Variants in LRP2 observed in about 807,000 individuals in gnomAD.
The protein encoded by LRP2 is LDL receptor related protein 2.
Under a neutral mutation model 531.0 loss-of-function variants are expected in LRP2, and 172 were observed. The observed-to-expected ratio is 0.32, with a 90% CI of 0.29 to 0.37. The LOEUF (loss-of-function observed/expected upper bound fraction) is 0.37, where lower values mean the gene tolerates loss of function less well. Ranked by LOEUF, LRP2 falls within the 10% of genes least tolerant of loss-of-function variation. The pLI, the probability that LRP2 is intolerant of heterozygous loss-of-function variation, is 1.00. For synonymous variants in LRP2, 1,992 were observed against 2,027.6 expected, an observed-to-expected ratio of 0.98 and a Z score of 0.47; for missense variants, 5,167 against 5,868.3, an observed-to-expected ratio of 0.88 and a Z score of 3.90.
intron 4 of LRP2, 28 bp from the exon 5 acceptor site, chr2:169,294,738 AAAGG>A: frequency 8.4e-7 from 1 of 1,185,032 alleles, no homozygotes; most frequent in Non-Finnish European, 1.2e-6. Flanking sequence ...AAAAAAAAAA[AAAGG>A]AAAAGGAAAC....
intron 1 of LRP2, among the ~76,000 whole-genome samples, chr2:169,349,636 T>A (rs1381912911): frequency 6.6e-6 from 1 of 152,154 alleles, no homozygotes; most frequent in African/African-American, 2.4e-5. Flanking sequence ...GGGGTCTGCC[T>A]CAGCTATAGA....
chr2:169,288,728 G>A (rs1010084699), intron 9 of LRP2, among the ~76,000 whole-genome samples: 1 of 152,180 alleles, frequency 6.6e-6, no homozygotes, highest in African/African-American at 2.4e-5. Context: ...CAATCCTGAT[G>A]CCAAATACTT....
rs1306446810 is a variant in LRP2 at position 169,185,993 on chromosome 2, T to A, written c.9355A>T (p.Ile3119Phe). 1.3e-5 allele frequency: 21 copies of A among 1,613,900 alleles called. No homozygotes were observed. The East Asian group carries it at 4.7e-4, about 36-fold the overall frequency. ...CGINECHDPS[I>F]SGCDHNCTDT... ...GTGCAGTTGTGATCGCAGCCACTGA[T>A]TGAAGGGTCATGGCATTCATTAATG... Residue 3119 changes from isoleucine (I) to phenylalanine (F), a missense_variant, in exon 50 of 79, where the codon ATC (isoleucine) becomes TTC (phenylalanine). Physicochemically the swap from Ile to Phe is conservative, Grantham distance 21. Transcript: ENST00000649046.
chr2:169,307,704 G>A (rs993902113), intron 3 of LRP2, among the ~76,000 whole-genome samples: 1 of 152,098 alleles, frequency 6.6e-6, no homozygotes, highest in Non-Finnish European at 1.5e-5. Context: ...TGCAAGTATA[G>A]GTATTAACCA....
chr2:169,156,287 T>C lies in LRP2; in HGVS notation c.12138A>G (p.Arg4046=). 1 of 1,613,704 alleles carries C rather than the reference T, an allele frequency of 6.2e-7. No homozygotes were observed. Among genetic ancestry groups the C allele is most frequent in the East Asian group, 2.2e-5 (1 of 44,882 alleles). The change falls in exon 65 of 79, where the codon CGA becomes CGG. Residue 4046 remains arginine, a synonymous_variant. Coordinates refer to ENST00000649046, the MANE Select transcript of LRP2 (RefSeq NM_004525.3). ...AACCCATCATACCCTCAGCTGCACA[T>C]CGTTTTCCAGGGCGGTCACTCATAG... ...FTSMSDRPGK[R]CAAEGSSPLL...
At chr2:169,343,261 C>T (rs1685612533) in intron 1 of LRP2, among the ~76,000 whole-genome samples, 1 of 152,196 alleles carries the variant, frequency 6.6e-6, no homozygotes, top group Admixed American at 6.5e-5. Context: ...AGGTGAAGAA[C>T]CAAACATTCT....
At chr2:169,272,145 AACATCTGGAG>A (rs1204114913) in intron 15 of LRP2, among the ~76,000 whole-genome samples, 3 of 152,152 alleles carry the variant, frequency 2.0e-5, no homozygotes, top group African/African-American at 7.2e-5. Flanking sequence ...TAGAAACCGC[AACATCTGGAG>A]AGCAAGAATT....
chr2:169,170,043 C>A (rs1686937767), intron 59 of LRP2, among the ~76,000 whole-genome samples: 1 of 152,224 alleles, frequency 6.6e-6, no homozygotes, highest in African/African-American at 2.4e-5. Flanking sequence ...ATTAAATAAT[C>A]TCCAGCTCTT....
chr2:169,303,106 T>C (rs1256881617), intron 4 of LRP2, among the ~76,000 whole-genome samples: 1 of 152,078 alleles, frequency 6.6e-6, no homozygotes, highest in African/African-American at 2.4e-5. Context: ...AAAACAATAT[T>C]AGTTATGAGT....
intron 25 of LRP2, 113 bp from the exon 26 acceptor site, chr2:169,239,888 C>A (rs1689743299): frequency 1.1e-6 from 1 of 901,638 alleles, no homozygotes; most frequent in Non-Finnish European, 1.8e-6. Context: ...ATATGATGCC[C>A]AGACAAGAGC....
chr2:169,132,630 G>A lies in LRP2; in HGVS notation c.13672C>T (p.Pro4558Ser), dbSNP rs1036751409. The change falls in exon 77 of 79, where the codon CCT becomes TCT. Residue 4558 changes from proline to serine, a missense_variant. Coordinates refer to ENST00000649046, the MANE Select transcript of LRP2 (RefSeq NM_004525.3). ...TTTGTCTCTGGAACTATCTCAGAAG[G>A]GTTTATGGGACTTCCATAATTCTTA... ...DNKNYGSPIN[P>S]SEIVPETNPT... is the part of the protein sequence containing the mutation. The A allele has an allele frequency of 1.6e-5, 26 of 1,611,340 alleles. No homozygotes were observed. Among genetic ancestry groups the A allele is most frequent in the Non-Finnish European group, 2.2e-5 (26 of 1,177,712 alleles).
At chr2:169,327,772 C>G (rs1238825715) in intron 1 of LRP2, among the ~76,000 whole-genome samples, 10 of 124,694 alleles carry the variant, frequency 8.0e-5, no homozygotes, top group African/African-American at 9.3e-5. Flanking sequence ...GTCAGCCCCC[C>G]GCCCGGCCAG....
intron 1 of LRP2, among the ~76,000 whole-genome samples, chr2:169,324,197 G>A (rs1015758975): frequency 3.9e-5 from 6 of 152,004 alleles, no homozygotes; most frequent in African/African-American, 1.5e-4. Flanking sequence ...AGAGCAATTC[G>A]GTAACTTGCC....
intron 63 of LRP2, among the ~76,000 whole-genome samples, chr2:169,157,917 G>T (rs374984748): frequency 1.8e-4 from 23 of 130,736 alleles, no homozygotes; most frequent in East Asian, 4.8e-4. Context: ...ATAACAGATA[G>T]AAATAAATAA....
chr2:169,344,484 TAAC>T (rs1281664894), intron 1 of LRP2, among the ~76,000 whole-genome samples: 1 of 152,190 alleles, frequency 6.6e-6, no homozygotes, highest in African/African-American at 2.4e-5. Context: ...TTCTAAAAAG[TAAC>T]AACATTTTAG....
chr2:169,313,753 A>C (rs1684683328), intron 3 of LRP2, among the ~76,000 whole-genome samples: 1 of 152,114 alleles, frequency 6.6e-6, no homozygotes, highest in Non-Finnish European at 1.5e-5. Context: ...AAATGCAGAA[A>C]TCACCCGTCT....
At chr2:169,353,772 C>T (rs1027681036) in intron 1 of LRP2, among the ~76,000 whole-genome samples, 2 of 152,208 alleles carry the variant, frequency 1.3e-5, no homozygotes, top group African/African-American at 4.8e-5. Context: ...GGGAGGATCA[C>T]TTGAGCTCAG....
chr2:169,354,458 C>A (rs1685937280), intron 1 of LRP2, among the ~76,000 whole-genome samples: 1 of 152,168 alleles, frequency 6.6e-6, no homozygotes, highest in African/African-American at 2.4e-5. Context: ...ACATTTCCTC[C>A]TTTCATTCAT....
Position 169,185,033 on chromosome 2 carries a change from T to C in LRP2, c.9845+470A>G, listed in dbSNP as rs1429749592. The stretch of plus-strand genomic sequence containing the variant: ...ACCTCAGCCTCCCAAAGTTCTGAGA[T>C]TACAGGCGTGAGCCACTGCCCCCGG... On this transcript the variant is annotated intron_variant, in intron 50 of 78. Coordinates refer to ENST00000649046, the MANE Select transcript of LRP2 (RefSeq NM_004525.3). Among the ~76,000 whole-genome samples, 4 of 152,150 alleles carry C rather than the reference T, an allele frequency of 2.6e-5. No homozygotes were observed. The South Asian group carries it at 8.3e-4, about 32-fold the overall frequency.
Sources: gnomAD v4.1 joint callset for allele counts (sites outside exome capture counted in the v4.1 genomes callset) on GRCh38, gnomAD v4.1.1 for gene constraint, MANE v1.5 for transcripts, NCBI Gene and HGNC (gene_info 2026-07-23, HGNC 2026-07-21) for gene names.